Variants in BCAS3 observed in about 807,000 individuals in gnomAD.
BCAS3 encodes the protein BCAS3 microtubule associated cell migration factor, also known as BCAS4/BCAS3 fusion.
A neutral mutation model predicts 116.1 loss-of-function variants in BCAS3; 53 were observed. The ratio of observed to expected loss-of-function variants is 0.46; its 90% confidence interval spans 0.37 to 0.57. The LOEUF (loss-of-function observed/expected upper bound fraction) is 0.57. Ranked by LOEUF, BCAS3 falls within the 20% of genes least tolerant of loss-of-function variation. BCAS3 has a pLI of 0.00. For missense variants in BCAS3, 917 were observed against 1,165.4 expected (o/e 0.79, Z 3.10); for synonymous variants, 391 against 408.2 (o/e 0.96, Z 0.51).
Position 61,181,054 on chromosome 17 carries a change from C to CA in BCAS3, c.2425+96496dup, listed in dbSNP as rs1435968895. Among the ~76,000 whole-genome samples the CA allele has an allele frequency of 1.3e-5, 2 of 151,708 alleles. No individual in the cohort carries two copies. The highest frequency in any genetic ancestry group is 1.5e-5 in the Non-Finnish European group (1 of 67,924). Reference sequence around the variant, plus strand: ...GCAACAAAGTGAGAACCTGTCTCTGCAAAAAATTAAAATAAAAAAAAATTA... The same window carrying CA: ...GCAACAAAGTGAGAACCTGTCTCTGCAAAAAAATTAAAATAAAAAAAAATTA... On this transcript the variant is annotated intron_variant, in intron 22 of 23. Coordinates refer to ENST00000407086, the MANE Select transcript of BCAS3 (RefSeq NM_017679.5). The surrounding 1 kb of genome is among the most constrained non-coding windows in gnomAD (Gnocchi z 5.0).
chr17:60,889,778 C>T lies in BCAS3; in HGVS notation c.738+7C>T, dbSNP rs139885357. The stretch of plus-strand genomic sequence containing the variant: ...TGCTTATGCAGAAAACAAGGTAAGA[C>T]GTGGCCTGTGTTTGGATTATTTGTA... On this transcript the variant is annotated splice_region_variant and intron_variant, in intron 10 of 23. Coordinates refer to ENST00000407086, the MANE Select transcript of BCAS3 (RefSeq NM_017679.5). 123 of 1,607,924 alleles carry T rather than the reference C, an allele frequency of 7.6e-5. 1 individual carries two copies. In the East Asian group the frequency reaches 1.3e-3, roughly 17 times the overall value.
At position 61,028,651 on chromosome 17, in the gene BCAS3, C is replaced by T. The variant is rs1401221045; in HGVS notation, c.1638-6015C>T. 6.6e-6 allele frequency among the ~76,000 whole-genome samples: 1 copy of T among 151,848 alleles called. No homozygotes were observed. ...GTTCATTCCTTCAACAGCTTACGTG[C>T]TCCTCACATTTAAGCAAAAGCACTT... On this transcript the variant is annotated intron_variant, in intron 16 of 23. Coordinates refer to ENST00000407086, the MANE Select transcript of BCAS3 (RefSeq NM_017679.5). This position sits in a 1 kb window ranked among gnomAD's most constrained non-coding sequence, Gnocchi z 4.3.
intron 7 of BCAS3, among the ~76,000 whole-genome samples, chr17:60,845,345 G>T (rs1041039124): frequency 1.3e-4 from 20 of 152,224 alleles, no homozygotes; most frequent in Non-Finnish European, 2.6e-4. Context: ...GTCATTGAAA[G>T]CTTTAGAAAC....
Position 61,068,850 on chromosome 17 carries a change from T to C in BCAS3, c.2030-6070T>C, listed in dbSNP as rs889110982. On this transcript the variant is annotated intron_variant, in intron 19 of 23. Coordinates refer to ENST00000407086, the MANE Select transcript of BCAS3 (RefSeq NM_017679.5). The surrounding 1 kb of genome is among the most constrained non-coding windows in gnomAD (Gnocchi z 4.3). The stretch of plus-strand genomic sequence containing the variant: ...GAAACTTTGCTCTTATCATATTTTC[T>C]TTTTATCAAGGTTGTAAATTCTTTT... Among the ~76,000 whole-genome samples the C allele has an allele frequency of 2.0e-5, 3 of 152,242 alleles. No individual in the cohort carries two copies. The highest frequency in any genetic ancestry group is 7.2e-5 in the African/African-American group (3 of 41,468).
chr17:60,907,049 A>G (rs752049862), intron 11 of BCAS3, among the ~76,000 whole-genome samples: 1 of 152,132 alleles, frequency 6.6e-6, no homozygotes, highest in Non-Finnish European at 1.5e-5. Context: ...TCTCACTGCA[A>G]TTGTGAGGAT....
chr17:61,273,254 G>A (rs1055759551), intron 22 of BCAS3, among the ~76,000 whole-genome samples: 8 of 151,772 alleles, frequency 5.3e-5, no homozygotes, highest in South Asian at 4.2e-4. Flanking sequence ...GACTACAGGC[G>A]CGCACCACCA....
At position 61,248,373 on chromosome 17, in the gene BCAS3, T is replaced by C. The variant is rs2048135487; in HGVS notation, c.2426-119954T>C. The stretch of plus-strand genomic sequence containing the variant: ...TGTGGCTGATACTACTTTAAAAAAT[T>C]CCAAAAAGAAAATCTAAAGGACCAT... On this transcript the variant is annotated intron_variant, in intron 22 of 23. Coordinates refer to ENST00000407086, the MANE Select transcript of BCAS3 (RefSeq NM_017679.5). This position sits in a 1 kb window ranked among gnomAD's most constrained non-coding sequence, Gnocchi z 4.3. Among the ~76,000 whole-genome samples the C allele has an allele frequency of 6.6e-6, 1 of 152,142 alleles. No individual in the cohort carries two copies. Among genetic ancestry groups the C allele is most frequent in the Non-Finnish European group, 1.5e-5 (1 of 68,014 alleles).
At chr17:60,908,726 C>T (rs1262412433) in intron 11 of BCAS3, among the ~76,000 whole-genome samples, 1 of 152,170 alleles carries the variant, frequency 6.6e-6, no homozygotes, top group Non-Finnish European at 1.5e-5. Context: ...CTAAACAAAA[C>T]AGTTACAATT....
intron 2 of BCAS3, among the ~76,000 whole-genome samples, chr17:60,681,096 T>C (rs983340656): frequency 7.9e-5 from 12 of 152,116 alleles, no homozygotes; most frequent in Admixed American, 5.2e-4. Context: ...CCTTAGCTAC[T>C]CGGGAGGCTG....
At chr17:60,693,831 T>A (rs1337919048) in intron 4 of BCAS3, among the ~76,000 whole-genome samples, 1 of 151,590 alleles carries the variant, frequency 6.6e-6, no homozygotes, top group Non-Finnish European at 1.5e-5. Flanking sequence ...TATTTTTTTT[T>A]AATTTTGGAA....
chr17:61,106,927 T>C lies in BCAS3; in HGVS notation c.2425+22363T>C, dbSNP rs1568365486. On this transcript the variant is annotated intron_variant, in intron 22 of 23. Transcript: ENST00000407086. The surrounding 1 kb of genome is among the most constrained non-coding windows in gnomAD (Gnocchi z 4.2). ...AATTCCCAGAAGTGGAAATTCTGGG[T>C]CCAGAATACGTATATTTTTAAGTCA... 6.6e-6 allele frequency among the ~76,000 whole-genome samples: 1 copy of C among 152,170 alleles called. No individual in the cohort carries two copies. The highest frequency in any genetic ancestry group is 1.5e-5 in the Non-Finnish European group (1 of 68,028).
At position 61,379,468 on chromosome 17, in the gene BCAS3, G is replaced by A. The variant is rs560959699; in HGVS notation, c.2593+10974G>A. 4 of 152,254 alleles carry A rather than the reference G, an allele frequency of 2.6e-5. No homozygotes were observed. The highest frequency in any genetic ancestry group is 9.6e-5 in the African/African-American group (4 of 41,528). The allele number at this position is 152,254 out of a possible 1,614,324, so 9.4% of individuals were successfully genotyped here. On this transcript the variant is annotated intron_variant, in intron 23 of 23. Coordinates refer to ENST00000407086, the MANE Select transcript of BCAS3 (RefSeq NM_017679.5). This position sits in a 1 kb window ranked among gnomAD's most constrained non-coding sequence, Gnocchi z 5.5. ...TGGCTCCTAGAAGCCATAGAGCACTGTACCAAGAAGGCCAAGCCAAGCCCA... is the reference window on the plus strand; with the variant it reads ...TGGCTCCTAGAAGCCATAGAGCACTATACCAAGAAGGCCAAGCCAAGCCCA...
At chr17:60,700,156 AGAGT>A (rs147829957) in intron 4 of BCAS3, among the ~76,000 whole-genome samples, 5,705 of 149,046 alleles carry the variant, frequency 0.038, 414 homozygotes, top group African/African-American at 0.14. Flanking sequence ...TTTGGACAAC[AGAGT>A]GAGACCCTGT....
In BCAS3 at chr17:61,088,225, T is replaced by G. The variant is rs903602845; in HGVS notation, c.2425+3661T>G. Among the ~76,000 whole-genome samples, 1 of 152,032 alleles carries G rather than the reference T, an allele frequency of 6.6e-6. No homozygotes were observed. The highest frequency in any genetic ancestry group is 1.5e-5 in the Non-Finnish European group (1 of 67,976). ...GAAACAAAACAAAAACCATCCTACC[T>G]AAAATTTGTGGGGGTTAAATAATTG... On this transcript the variant is annotated intron_variant, in intron 22 of 23. Coordinates refer to ENST00000407086, the MANE Select transcript of BCAS3 (RefSeq NM_017679.5). This position sits in a 1 kb window ranked among gnomAD's most constrained non-coding sequence, Gnocchi z 4.2.
Position 61,392,043 on chromosome 17 carries a change from C to T in BCAS3, c.2660C>T (p.Pro887Leu), listed in dbSNP as rs1013481579. The part of the protein sequence containing the change: ...NSSGSTSGSI[P>L]RNFDGYRSPL... Reference sequence around the variant, plus strand: ...TCAGGCTCCACCAGCGGCAGCATACCAAGAAACTTTGATGGCTACCGATCT... The same window carrying T: ...TCAGGCTCCACCAGCGGCAGCATACTAAGAAACTTTGATGGCTACCGATCT... The change falls in exon 24 of 24, where the codon CCA becomes CTA. Residue 887 changes from proline (P) to leucine (L), a missense_variant. By Grantham distance (98) the Pro-to-Leu change is moderately conservative. This residue lies in a region of BCAS3 where 109 missense variants were observed against 122.8 expected (regional missense o/e 0.89). Transcript: ENST00000407086. This position sits in a 1 kb window ranked among gnomAD's most constrained non-coding sequence, Gnocchi z 6.4. 1.9e-6 allele frequency: 3 copies of T among 1,613,784 alleles called. No individual in the cohort carries two copies. Among genetic ancestry groups the T allele is most frequent in the Admixed American group, 1.7e-5 (1 of 59,998 alleles).
intron 7 of BCAS3, among the ~76,000 whole-genome samples, chr17:60,826,909 A>G (rs560451661): frequency 6.6e-6 from 1 of 152,338 alleles, no homozygotes; most frequent in African/African-American, 2.4e-5. Context: ...AGCTTTTGCA[A>G]TTTAACAGGA....
chr17:61,258,247 C>T lies in BCAS3; in HGVS notation c.2426-110080C>T, dbSNP rs576714822. Among the ~76,000 whole-genome samples, 4 of 152,298 alleles carry T rather than the reference C, an allele frequency of 2.6e-5. No individual in the cohort carries two copies. The highest frequency in any genetic ancestry group is 7.2e-5 in the African/African-American group (3 of 41,552). ...CCCTCTTATGGGACTTACCATGTTT[C>T]GCCTGATGTTGTCTTTAAGTATGTA... On this transcript the variant is annotated intron_variant, in intron 22 of 23. Transcript: ENST00000407086. The surrounding 1 kb of genome is among the most constrained non-coding windows in gnomAD (Gnocchi z 4.7).
At chr17:61,264,948 TAGAG>T (rs1428470391) in intron 22 of BCAS3, among the ~76,000 whole-genome samples, 2 of 152,228 alleles carry the variant, frequency 1.3e-5, no homozygotes, top group Non-Finnish European at 2.9e-5. Flanking sequence ...AGAAGTATGA[TAGAG>T]AGAAATTGCT....
At chr17:61,277,032 G>A (rs1489902433) in intron 22 of BCAS3, among the ~76,000 whole-genome samples, 4 of 152,076 alleles carry the variant, frequency 2.6e-5, no homozygotes, top group African/African-American at 9.7e-5. Flanking sequence ...GGAGGCCAAG[G>A]CAGGAGGATC....
Sources: allele counts gnomAD v4.1 joint callset (sites outside exome capture counted in the v4.1 genomes callset), GRCh38; gene constraint gnomAD v4.1.1; regional missense constraint gnomAD v4.1.1; non-coding constraint Gnocchi (gnomAD v3.1); transcripts MANE v1.5; gene names NCBI Gene and HGNC (gene_info 2026-07-23, HGNC 2026-07-21).